Variants in TLL2 observed in about 807,000 individuals in gnomAD.
TLL2 encodes tolloid-like protein 2.
Under a neutral mutation model 123.0 loss-of-function variants are expected in TLL2, and 106 were observed. The ratio of observed to expected loss-of-function variants is 0.86; its 90% confidence interval spans 0.74 to 1.01. TLL2 has a LOEUF of 1.01. Among genes scored for constraint, TLL2 ranks in the 50% least tolerant of loss-of-function variants. The probability of loss-of-function intolerance (pLI) is 0.00; values close to 1 mark genes in which losing one functional copy is unlikely to be tolerated. For synonymous variants in TLL2, 494 were observed against 516.8 expected (o/e 0.96, Z 0.60); for missense variants, 1,332 against 1,336.7 (o/e 1.00, Z 0.06).
At chr10:96,369,159 G>T (rs993783330) in intron 20 of TLL2, among the ~76,000 whole-genome samples, 1 of 152,206 alleles carries the variant, frequency 6.6e-6, no homozygotes, top group Non-Finnish European at 1.5e-5. Flanking sequence ...CCCAGTATGG[G>T]CAGTGTCCAG....
At chr10:96,417,140 C>A (rs1846570708) in intron 7 of TLL2, among the ~76,000 whole-genome samples, 1 of 152,190 alleles carries the variant, frequency 6.6e-6, no homozygotes, top group South Asian at 2.1e-4. Context: ...CCCAGATCAG[C>A]ATATGTTCCA....
At chr10:96,472,892 T>C (rs1427603484) in intron 2 of TLL2, among the ~76,000 whole-genome samples, 1 of 152,190 alleles carries the variant, frequency 6.6e-6, no homozygotes, top group East Asian at 1.9e-4. Flanking sequence ...TTCTGGACAT[T>C]GGGTATCTCT....
chr10:96,453,063 A>G (rs1846976650), intron 2 of TLL2, among the ~76,000 whole-genome samples: 1 of 152,232 alleles, frequency 6.6e-6, no homozygotes, highest in Non-Finnish European at 1.5e-5. Flanking sequence ...TGGCAAGTGT[A>G]TAATAAAATG....
intron 2 of TLL2, among the ~76,000 whole-genome samples, chr10:96,474,545 G>A (rs1159937880): frequency 6.6e-6 from 1 of 152,194 alleles, no homozygotes; most frequent in Non-Finnish European, 1.5e-5. Context: ...GAAACTGGGG[G>A]CCTGCACAGG....
chr10:96,435,545 C>A (rs2134082451), intron 3 of TLL2, among the ~76,000 whole-genome samples: 1 of 152,256 alleles, frequency 6.6e-6, no homozygotes, highest in South Asian at 2.1e-4. Context: ...AATTCAAGAT[C>A]ACAAAGATTT....
intron 9 of TLL2, among the ~76,000 whole-genome samples, chr10:96,408,589 C>T (rs1430539615): frequency 6.6e-6 from 1 of 152,192 alleles, no homozygotes; most frequent in African/African-American, 2.4e-5. Context: ...CTGTTAGCCT[C>T]CAGCAGGCAC....
chr10:96,412,464 A>G (rs1846516117), intron 8 of TLL2, among the ~76,000 whole-genome samples: 1 of 152,202 alleles, frequency 6.6e-6, no homozygotes, highest in African/African-American at 2.4e-5. Context: ...TTGAGGCTCA[A>G]GAGCTGAAAG....
intron 20 of TLL2, among the ~76,000 whole-genome samples, chr10:96,369,630 G>A (rs1187102719): frequency 1.3e-5 from 2 of 151,632 alleles, no homozygotes; most frequent in Non-Finnish European, 2.9e-5. Context: ...GTGTGGTGGC[G>A]CATGTCTGTA....
chr10:96,399,185 C>T (rs941829433), intron 10 of TLL2, among the ~76,000 whole-genome samples: 24 of 152,260 alleles, frequency 1.6e-4, no homozygotes, highest in African/African-American at 5.5e-4. Context: ...TGAAAATATT[C>T]TAAAATTGAT....
intron 8 of TLL2, 31 bp downstream of exon 8, chr10:96,413,161 G>A (rs1225639568): frequency 2.5e-6 from 4 of 1,612,188 alleles, no homozygotes; most frequent in South Asian, 1.1e-5. Flanking sequence ...ATGCTAGGGA[G>A]GTGCTGGCAG....
intron 1 of TLL2, among the ~76,000 whole-genome samples, chr10:96,503,026 A>T (rs1847549393): frequency 6.6e-6 from 1 of 152,170 alleles, no homozygotes; most frequent in African/African-American, 2.4e-5. Context: ...CTATGTTTGC[A>T]TCCAGGCAGA....
At chr10:96,408,430 A>G (rs1474911657) in intron 9 of TLL2, among the ~76,000 whole-genome samples, 1 of 152,198 alleles carries the variant, frequency 6.6e-6, no homozygotes, top group Non-Finnish European at 1.5e-5. Context: ...TCAATGATGT[A>G]TATTCTCTCT....
At chr10:96,410,094 T>G (rs767793212) in intron 9 of TLL2, among the ~76,000 whole-genome samples, 1 of 152,180 alleles carries the variant, frequency 6.6e-6, no homozygotes, top group Non-Finnish European at 1.5e-5. Context: ...GATATTATAA[T>G]AGTGTATTTG....
At chr10:96,467,189 AT>A (rs1372278061) in intron 2 of TLL2, among the ~76,000 whole-genome samples, 1 of 152,068 alleles carries the variant, frequency 6.6e-6, no homozygotes, top group African/African-American at 2.4e-5. Flanking sequence ...AAATTTAGGG[AT>A]TTGGGGGAGG....
chr10:96,443,932 T>A (rs1242902991), intron 3 of TLL2, among the ~76,000 whole-genome samples: 1 of 152,224 alleles, frequency 6.6e-6, no homozygotes, highest in Non-Finnish European at 1.5e-5. Flanking sequence ...ATTAGTTACA[T>A]GGGTGACTAA....
intron 16 of TLL2, among the ~76,000 whole-genome samples, chr10:96,382,073 T>TC (rs1252056318): frequency 6.6e-6 from 1 of 151,916 alleles, no homozygotes; most frequent in East Asian, 1.9e-4. Flanking sequence ...TGAATTTCTT[T>TC]CTTTTTTTTT....
At chr10:96,384,526 C>A (rs1000258284) in intron 16 of TLL2, 61 bp downstream of exon 16, 21 of 1,448,818 alleles carry the variant, frequency 1.4e-5, no homozygotes, top group Non-Finnish European at 1.9e-5. Context: ...GACCCCAGAG[C>A]CTGGAGTCTG....
At chr10:96,383,699 C>T (rs1846205148) in intron 16 of TLL2, among the ~76,000 whole-genome samples, 1 of 152,200 alleles carries the variant, frequency 6.6e-6, no homozygotes, top group Non-Finnish European at 1.5e-5. Context: ...TGGCTCACTG[C>T]AACCTCCACC....
At chr10:96,434,826 T>C (rs1216540760) in intron 3 of TLL2, among the ~76,000 whole-genome samples, 1 of 152,152 alleles carries the variant, frequency 6.6e-6, no homozygotes, top group Non-Finnish European at 1.5e-5. Context: ...GGTTCCAATG[T>C]CTCCACATCC....
Sources: allele counts gnomAD v4.1 joint callset (sites outside exome capture counted in the v4.1 genomes callset), GRCh38; gene constraint gnomAD v4.1.1; transcripts MANE v1.5; gene names NCBI Gene and HGNC (gene_info 2026-07-23, HGNC 2026-07-21).